PRIM2: variants seen among roughly 807,000 people sequenced by gnomAD.
The protein encoded by PRIM2 is DNA primase large subunit.
A neutral mutation model predicts 67.3 loss-of-function variants in PRIM2; 39 were observed. The ratio of observed to expected loss-of-function variants is 0.58; its 90% CI spans 0.45 to 0.76. PRIM2 has a LOEUF of 0.76. Ranked by LOEUF, PRIM2 falls within the 30% of genes least tolerant of loss-of-function variation. The pLI is 0.00. For synonymous variants in PRIM2, 143 were observed against 198.7 expected (o/e 0.72, Z 2.36); for missense variants, 398 against 598.7 (o/e 0.66, Z 3.50).
In PRIM2 at chr6:57,439,936, G is replaced by C. The variant is rs1180494606; in HGVS notation, c.693+57768G>C. ...AATTTAAAGTGGAAGACTTTGGAGT[G>C]GTTACTGCTCATTTAAAAATATTAT... On this transcript the variant is annotated intron_variant, in intron 7 of 13. Coordinates refer to ENST00000615550, the MANE Select transcript of PRIM2 (RefSeq NM_000947.5). Among the ~76,000 whole-genome samples, 33 of 152,106 alleles carry C rather than the reference G, an allele frequency of 2.2e-4. 2 individuals carry two copies. The highest frequency in any genetic ancestry group is 2.2e-3 in the Admixed American group (33 of 15,286).
chr6:57,457,212 C>T (rs1445351058), intron 7 of PRIM2, among the ~76,000 whole-genome samples: 2 of 152,204 alleles, frequency 1.3e-5, no homozygotes, highest in Admixed American at 6.5e-5. Context: ...GGAGGTGCCT[C>T]CCAGTGAGGC....
chr6:57,426,690 T>G (rs1461107540), intron 7 of PRIM2, among the ~76,000 whole-genome samples: 1 of 152,238 alleles, frequency 6.6e-6, no homozygotes, highest in Non-Finnish European at 1.5e-5. Flanking sequence ...GACTTGTTCA[T>G]GATTATTCAT....
At chr6:57,350,896 C>T (rs542738646) in intron 5 of PRIM2, among the ~76,000 whole-genome samples, 2,640 of 151,924 alleles carry the variant, frequency 0.017, 40 homozygotes, top group Admixed American at 0.029. Flanking sequence ...CATGTATTTT[C>T]CACATTAATC....
chr6:57,338,975 T>C (rs1019937478), intron 5 of PRIM2, among the ~76,000 whole-genome samples: 2 of 152,208 alleles, frequency 1.3e-5, no homozygotes, highest in African/African-American at 2.4e-5. Context: ...CAGCCCAAAA[T>C]CTTCTTAAGC....
the PRIM2 span, among the ~76,000 whole-genome samples, chr6:57,260,143 T>C: frequency 6.6e-6 from 1 of 152,136 alleles, no homozygotes; most frequent in East Asian, 1.9e-4. Flanking sequence ...GGCAAAGATA[T>C]AGTATAGGAA....
At chr6:57,594,881 C>T (rs1228012562) in intron 10 of PRIM2, among the ~76,000 whole-genome samples, 2 of 152,058 alleles carry the variant, frequency 1.3e-5, no homozygotes, top group African/African-American at 2.4e-5. Flanking sequence ...TGACAAAAGG[C>T]TTGTGTCCAG....
the PRIM2 span, among the ~76,000 whole-genome samples, chr6:57,291,580 C>T: frequency 3.9e-5 from 6 of 152,120 alleles, no homozygotes; most frequent in Non-Finnish European, 7.4e-5. Flanking sequence ...TGATGAACAT[C>T]GATGCGAAAA....
intron 7 of PRIM2, among the ~76,000 whole-genome samples, chr6:57,433,331 T>A (rs1477679636): frequency 6.6e-6 from 1 of 152,112 alleles, no homozygotes; most frequent in Non-Finnish European, 1.5e-5. Flanking sequence ...GCTGGTGTGC[T>A]GCACCCATTA....
At chr6:57,574,293 C>G (rs1356815700) in intron 10 of PRIM2, among the ~76,000 whole-genome samples, 1 of 152,122 alleles carries the variant, frequency 6.6e-6, no homozygotes, top group Non-Finnish European at 1.5e-5. Context: ...TACTTAAACC[C>G]CAGAAGACTT....
chr6:57,296,776 T>G, the PRIM2 span, among the ~76,000 whole-genome samples: 1 of 152,086 alleles, frequency 6.6e-6, no homozygotes, highest in African/African-American at 2.4e-5. Flanking sequence ...TAAATATCAT[T>G]CTCTCATTAA....
At chr6:57,639,285 C>T (rs1777182191) in intron 13 of PRIM2, among the ~76,000 whole-genome samples, 1 of 151,974 alleles carries the variant, frequency 6.6e-6, no homozygotes, top group African/African-American at 2.4e-5. Flanking sequence ...CCCTAAATGC[C>T]CACAAGAGAA....
chr6:57,326,786 A>C lies in PRIM2; in HGVS notation c.459+741A>C, dbSNP rs148507050. Among the ~76,000 whole-genome samples the C allele has an allele frequency of 1.3e-3, 199 of 152,256 alleles. 4 individuals are homozygous for C. In the East Asian group the frequency reaches 0.017, roughly 13 times the overall value. ...ATCTGTATGAATAGTTTTAAAAAAT[A>C]ATTTTGCAGACATATCTGAATGATT... On this transcript the variant is annotated intron_variant, in intron 5 of 13. Coordinates refer to ENST00000615550, the MANE Select transcript of PRIM2 (RefSeq NM_000947.5).
chr6:57,626,442 T>C (rs1776950105), intron 12 of PRIM2, among the ~76,000 whole-genome samples: 2 of 152,150 alleles, frequency 1.3e-5, no homozygotes, highest in Admixed American at 6.5e-5. Context: ...TAGAAAAATA[T>C]CACCTTATTT....
At chr6:57,419,414 T>A (rs1399280030) in intron 7 of PRIM2, among the ~76,000 whole-genome samples, 3 of 152,192 alleles carry the variant, frequency 2.0e-5, no homozygotes, top group Admixed American at 2.0e-4. Flanking sequence ...TTATTTCCAA[T>A]TTATAAAGCC....
At chr6:57,551,526 T>C (rs1169619555) in intron 10 of PRIM2, among the ~76,000 whole-genome samples, 1 of 152,212 alleles carries the variant, frequency 6.6e-6, no homozygotes, top group Admixed American at 6.5e-5. Context: ...CATTTTCTTT[T>C]GTACTATCTC....
intron 8 of PRIM2, among the ~76,000 whole-genome samples, chr6:57,515,824 G>T: frequency 6.6e-6 from 1 of 152,316 alleles, no homozygotes; most frequent in African/African-American, 2.4e-5. Context: ...ACAGTCTGTA[G>T]GTTAGAAATC....
At chr6:57,618,017 CA>C (rs1180083042) in intron 12 of PRIM2, among the ~76,000 whole-genome samples, 2 of 152,180 alleles carry the variant, frequency 1.3e-5, no homozygotes, top group Non-Finnish European at 2.9e-5. Flanking sequence ...GATGGTCTTG[CA>C]CCCTTGTCAA....
chr6:57,266,841 G>C, the PRIM2 span, among the ~76,000 whole-genome samples: 1 of 152,132 alleles, frequency 6.6e-6, no homozygotes, highest in African/African-American at 2.4e-5. Flanking sequence ...CATTTGTGGA[G>C]TGGGTATCTT....
chr6:57,307,416 G>C, the PRIM2 span, among the ~76,000 whole-genome samples: 10 of 151,736 alleles, frequency 6.6e-5, no homozygotes, highest in African/African-American at 2.4e-4. Flanking sequence ...ACCACACCTG[G>C]CTAATTTTTT....
Sources: allele counts gnomAD v4.1 joint callset (sites outside exome capture counted in the v4.1 genomes callset), GRCh38; gene constraint gnomAD v4.1.1; transcripts MANE v1.5; gene names NCBI Gene and HGNC (gene_info 2026-07-23, HGNC 2026-07-21).